MLXIP: variants seen among roughly 807,000 people sequenced by gnomAD.
MLXIP encodes MLX interacting protein.
Under a neutral mutation model 87.2 loss-of-function variants are expected in MLXIP, and 30 were observed. The ratio of observed to expected loss-of-function variants is 0.34; its 90% CI spans 0.26 to 0.47. MLXIP has a LOEUF of 0.47. Among genes scored for constraint, MLXIP ranks in the 20% least tolerant of loss-of-function variants. The pLI is 1.00. For synonymous variants in MLXIP, 530 were observed against 514.0 expected (o/e 1.03, Z -0.42); for missense variants, 1,002 against 1,240.1 (o/e 0.81, Z 2.88).
chr12:122,139,728 A>G, intron 15 of MLXIP, among the ~76,000 whole-genome samples: 1 of 152,186 alleles, frequency 6.6e-6, no homozygotes, highest in Non-Finnish European at 1.5e-5. Flanking sequence ...GCTGGAGTGC[A>G]GTGGTACAAT....
In MLXIP at chr12:122,108,445, T is replaced by G. The variant is rs532407074; in HGVS notation, c.414-18811T>G. ...GATTTTGCCATCAGAGGAATCATAT[T>G]ATCATTCTTCCTTATGTCAGGAAAG... On this transcript the variant is annotated intron_variant, in intron 1 of 16. Transcript: ENST00000319080. Among the ~76,000 whole-genome samples, 3 of 151,726 alleles carry G rather than the reference T, an allele frequency of 2.0e-5. No homozygotes were observed. In the South Asian group the frequency reaches 6.2e-4, roughly 32 times the overall value.
At position 122,129,029 on chromosome 12, in the gene MLXIP, G is replaced by A. The variant is rs1952928032; in HGVS notation, c.607-108G>A. 5.8e-5 allele frequency: 50 copies of A among 860,308 alleles called. No individual in the cohort carries two copies. The South Asian group carries it at 7.0e-4, about 12-fold the overall frequency. 53.3% of individuals were successfully genotyped at this position (860,308 alleles called of 1,614,324 possible). ...TGTGGTAGCCACTGTGGGGTTTCCC[G>A]CTGGATTGCCTAAGGCCTGATTATA... On this transcript the variant is annotated intron_variant, in intron 3 of 16. Coordinates refer to ENST00000319080, the MANE Select transcript of MLXIP (RefSeq NM_014938.6).
At chr12:122,128,157 C>T in intron 3 of MLXIP, 189 bp downstream of exon 3, 1 of 576,598 alleles carries the variant, frequency 1.7e-6, no homozygotes, top group Non-Finnish European at 3.1e-6. Context: ...TGCAGAGCCT[C>T]CCCCTTCTCA....
At chr12:122,107,866 A>T (rs1952545008) in intron 1 of MLXIP, among the ~76,000 whole-genome samples, 1 of 152,110 alleles carries the variant, frequency 6.6e-6, no homozygotes, top group African/African-American at 2.4e-5. Flanking sequence ...GGGTGGTGAT[A>T]AAAGCATCTT....
In MLXIP at chr12:122,137,667, G is replaced by A; in HGVS notation, c.2154+77G>A. 1 of 1,576,074 alleles carries A rather than the reference G, an allele frequency of 6.3e-7. No homozygotes were observed. The highest frequency in any genetic ancestry group is 1.7e-4 in the Middle Eastern group (1 of 5,876). On this transcript the variant is annotated intron_variant, in intron 12 of 16. Transcript: ENST00000319080. This position sits in a 1 kb window ranked among gnomAD's most constrained non-coding sequence, Gnocchi z 4.1. Reference sequence around the variant, plus strand: ...GACATCAAGGATCTGTGTCTTGTCTGGAACGGAGACCTCAGACCCAGCCAG... The same window carrying A: ...GACATCAAGGATCTGTGTCTTGTCTAGAACGGAGACCTCAGACCCAGCCAG...
intron 1 of MLXIP, among the ~76,000 whole-genome samples, chr12:122,083,036 T>G (rs1952114271): frequency 6.6e-6 from 1 of 152,212 alleles, no homozygotes; most frequent in African/African-American, 2.4e-5. Context: ...CTCAGGATGG[T>G]CTTGAACTCC....
rs776332981 is a variant in MLXIP at position 122,121,009 on chromosome 12, G to GTTTTTTTTTTTTT, written c.414-6247_414-6246insTTTTTTTTTTTTT. Among the ~76,000 whole-genome samples the GTTTTTTTTTTTTT allele has an allele frequency of 2.9e-4, 30 of 102,158 alleles. 2 individuals are homozygous for GTTTTTTTTTTTTT. Among genetic ancestry groups the GTTTTTTTTTTTTT allele is most frequent in the South Asian group, 8.8e-4 (3 of 3,400 alleles). The allele number at this position is 102,158 out of a possible 152,430, so 67.0% of individuals were successfully genotyped here. A position where few individuals can be genotyped will look rare whatever the true frequency, so the allele number is the denominator to read the frequency against. ...TAGCCCCAGAGCCCTCTGCATGCTT[G>GTTTTTTTTTTTTT]GTTTTTTTTTTTTTTTTTTGAAACG... On this transcript the variant is annotated intron_variant, in intron 1 of 16. Transcript: ENST00000319080.
rs776145325 is a variant in MLXIP at position 122,135,189 on chromosome 12, A to G, written c.1733-35A>G. 4 of 1,608,464 alleles carry G rather than the reference A, an allele frequency of 2.5e-6. No individual in the cohort carries two copies. The South Asian group carries it at 4.4e-5, about 18-fold the overall frequency. ...CAGGGTGGGCCAGGCCCTGTGGCCC[A>G]GGGCTGCACCTGAACATCCTCCTTA... On this transcript the variant is annotated intron_variant, in intron 9 of 16. Coordinates refer to ENST00000319080, the MANE Select transcript of MLXIP (RefSeq NM_014938.6). This position sits in a 1 kb window ranked among gnomAD's most constrained non-coding sequence, Gnocchi z 5.3.
At chr12:122,112,374 C>T (rs1387375880) in intron 1 of MLXIP, among the ~76,000 whole-genome samples, 2 of 152,138 alleles carry the variant, frequency 1.3e-5, no homozygotes, top group Non-Finnish European at 1.5e-5. Flanking sequence ...CGTGGTGGCT[C>T]ACGCCTGTAA....
At chr12:122,099,978 C>G (rs937914936) in intron 1 of MLXIP, among the ~76,000 whole-genome samples, 1 of 152,126 alleles carries the variant, frequency 6.6e-6, no homozygotes, top group Non-Finnish European at 1.5e-5. Context: ...TGGTTATACC[C>G]CGACATTTGA....
At chr12:122,100,883 TACAG>T (rs1473010446) in intron 1 of MLXIP, among the ~76,000 whole-genome samples, 6 of 152,234 alleles carry the variant, frequency 3.9e-5, no homozygotes, top group African/African-American at 1.4e-4. Context: ...ATGGTATACA[TACAG>T]ACTCCTTTTA....
intron 1 of MLXIP, among the ~76,000 whole-genome samples, chr12:122,118,158 A>T (rs533705693): frequency 1.3e-5 from 2 of 152,306 alleles, no homozygotes; most frequent in South Asian, 4.1e-4. Context: ...TGGCAACTAC[A>T]GTGTGGATCT....
intron 1 of MLXIP, among the ~76,000 whole-genome samples, chr12:122,094,596 TTGG>T (rs1394151492): frequency 2.2e-5 from 3 of 136,594 alleles, no homozygotes; most frequent in South Asian, 2.4e-4. Flanking sequence ...GGTGTGTGTG[TTGG>T]TGTTGTGTGT....
At chr12:122,083,930 C>T (rs1952127926) in intron 1 of MLXIP, among the ~76,000 whole-genome samples, 2 of 152,208 alleles carry the variant, frequency 1.3e-5, no homozygotes, top group African/African-American at 4.8e-5. Flanking sequence ...AGTGTTTCTT[C>T]TCCTGCGTTC....
In MLXIP at chr12:122,094,561, AGT is replaced by A. The variant is rs1458303088; in HGVS notation, c.413+15302_413+15303del. On this transcript the variant is annotated intron_variant, in intron 1 of 16. Transcript: ENST00000319080. ...TGTGTTGGTGTGTGGGTGTGTTTGCAGTGTGTGTTGGTGTGTGGTGTGTTGGT... is the reference window on the plus strand; with the variant it reads ...TGTGTTGGTGTGTGGGTGTGTTTGCAGTGTGTTGGTGTGTGGTGTGTTGGT... Among the ~76,000 whole-genome samples, 715 of 85,174 alleles carry A rather than the reference AGT, an allele frequency of 8.4e-3. 3 individuals carry two copies. Among genetic ancestry groups the A allele is most frequent in the African/African-American group, 0.032 (667 of 21,056 alleles). The allele number at this position is 85,174 out of a possible 152,430, so 55.9% of individuals were successfully genotyped here. A position where few individuals can be genotyped will look rare whatever the true frequency, so the allele number is the denominator to read the frequency against.
At position 122,140,787 on chromosome 12, in the gene MLXIP, A is replaced by G. The variant is rs758248271; in HGVS notation, c.2509-167A>G. 8 of 1,041,280 alleles carry G rather than the reference A, an allele frequency of 7.7e-6. No individual in the cohort carries two copies. The South Asian group carries it at 1.1e-4, about 14-fold the overall frequency. The allele number at this position is 1,041,280 out of a possible 1,614,324, so 64.5% of individuals were successfully genotyped here. A position where few individuals can be genotyped will look rare whatever the true frequency, so the allele number is the denominator to read the frequency against. ...GAGCAGAGTGTTTTCATGAAGTGGA[A>G]GACACACCTTGCCTAGAGATCTCTC... On this transcript the variant is annotated intron_variant, in intron 15 of 16. Transcript: ENST00000319080.
rs543801442 is a variant in MLXIP at position 122,082,958 on chromosome 12, C to T, written c.413+3692C>T. 4.2e-4 allele frequency among the ~76,000 whole-genome samples: 64 copies of T among 152,320 alleles called. 1 individual carries two copies. In the Middle Eastern group the frequency reaches 0.01, roughly 24 times the overall value. ...GTCTCAGCCTCTTGAGTAGCTGGGA[C>T]TGCGGGCACGCACTACTATGCCTGG... On this transcript the variant is annotated intron_variant, in intron 1 of 16. Transcript: ENST00000319080.
In MLXIP at chr12:122,142,504, C is replaced by T. The variant is rs1953228129; in HGVS notation, c.*692C>T. On this transcript the variant is annotated 3_prime_UTR_variant, in exon 17 of 17. Coordinates refer to ENST00000319080, the MANE Select transcript of MLXIP (RefSeq NM_014938.6). The stretch of plus-strand genomic sequence containing the variant: ...CGGTGGCTGCTCTGGCTGAGAGGCC[C>T]TGCTGGGCATGTTTCATCTGTCCCC... 5.6e-6 allele frequency: 2 copies of T among 359,214 alleles called. No individual in the cohort carries two copies. Among genetic ancestry groups the T allele is most frequent in the Non-Finnish European group, 5.5e-6 (1 of 181,698 alleles). The allele number at this position is 359,214 out of a possible 1,614,324, so 22.3% of individuals were successfully genotyped here. A position where few individuals can be genotyped will look rare whatever the true frequency, so the allele number is the denominator to read the frequency against.
intron 1 of MLXIP, among the ~76,000 whole-genome samples, chr12:122,098,100 T>G (rs1298768417): frequency 1.3e-5 from 2 of 152,252 alleles, no homozygotes; most frequent in African/African-American, 4.8e-5. Flanking sequence ...TAAGTTTGTT[T>G]GCTTATCTTT....
Sources: gnomAD v4.1 joint callset for allele counts (sites outside exome capture counted in the v4.1 genomes callset) on GRCh38, gnomAD v4.1.1 for gene constraint, Gnocchi (gnomAD v3.1) non-coding constraint, MANE v1.5 for transcripts, NCBI Gene and HGNC (gene_info 2026-07-23, HGNC 2026-07-21) for gene names.